CCDC178: variants seen among roughly 807,000 people sequenced by gnomAD.
CCDC178 encodes coiled-coil domain containing 178, also known as coiled-coil domain-containing protein 178.
In CCDC178, 126 loss-of-function variants were observed where a neutral mutation model predicts 117.4. The observed-to-expected ratio is 1.07, with a 90% CI of 0.93 to 1.24. The LOEUF (loss-of-function observed/expected upper bound fraction) is 1.24, where lower values mean the gene tolerates loss of function less well. Ranked by LOEUF, CCDC178 falls within the 50% of genes most tolerant of loss-of-function variation. The probability of loss-of-function intolerance (pLI) is 0.00; values close to 1 mark genes in which losing one functional copy is unlikely to be tolerated. For synonymous variants in CCDC178, 283 were observed against 313.4 expected, an observed-to-expected ratio of 0.90 and a Z score of 1.02; for missense variants, 1,030 against 986.9, an observed-to-expected ratio of 1.04 and a Z score of -0.59.
In CCDC178 at chr18:33,419,688, T is replaced by A. The variant is rs1003401186; in HGVS notation, c.-22-7578A>T. 2.6e-5 allele frequency among the ~76,000 whole-genome samples: 4 copies of A among 152,144 alleles called. No homozygotes were observed. In the East Asian group the frequency reaches 7.7e-4, roughly 29 times the overall value. ...GGCCAACAGGTATATCAAAAAATGC[T>A]CAACATCATTAATCACTAGAGAAAT... On this transcript the variant is annotated intron_variant, in intron 2 of 22. Coordinates refer to ENST00000383096, the MANE Select transcript of CCDC178 (RefSeq NM_001105528.4).
At chr18:32,990,509 C>T (rs2055365628) in intron 21 of CCDC178, among the ~76,000 whole-genome samples, 1 of 151,920 alleles carries the variant, frequency 6.6e-6, no homozygotes, top group South Asian at 2.1e-4. Context: ...AATGGATAAA[C>T]TAATTATTTT....
intron 2 of CCDC178, among the ~76,000 whole-genome samples, chr18:33,424,382 AAGGT>A (rs2064083456): frequency 6.6e-6 from 1 of 152,198 alleles, no homozygotes; most frequent in African/African-American, 2.4e-5. Context: ...GTCATAGTGT[AAGGT>A]ACGTGGATGT....
chr18:33,399,926 T>G (rs2063688451), intron 3 of CCDC178, among the ~76,000 whole-genome samples: 1 of 152,234 alleles, frequency 6.6e-6, no homozygotes, highest in African/African-American at 2.4e-5. Context: ...AGCTATAGCT[T>G]TATGAAATGC....
chr18:33,084,187 C>T (rs1159255234), intron 21 of CCDC178, among the ~76,000 whole-genome samples: 1 of 152,118 alleles, frequency 6.6e-6, no homozygotes, highest in African/African-American at 2.4e-5. Flanking sequence ...CAAATATTCC[C>T]TCATTTTCTC....
chr18:33,364,852 C>A (rs1361335321), intron 6 of CCDC178, among the ~76,000 whole-genome samples: 3 of 144,572 alleles, frequency 2.1e-5, no homozygotes, highest in African/African-American at 7.8e-5. Flanking sequence ...AATTGACAAA[C>A]AATAATTTCA....
chr18:33,281,854 G>A (rs1399249311), intron 12 of CCDC178, among the ~76,000 whole-genome samples: 5 of 152,184 alleles, frequency 3.3e-5, no homozygotes, highest in African/African-American at 1.2e-4. Flanking sequence ...AAGTTTTAGA[G>A]ATATTTATTA....
At chr18:33,005,685 C>T (rs967281519) in intron 21 of CCDC178, among the ~76,000 whole-genome samples, 2 of 151,932 alleles carry the variant, frequency 1.3e-5, no homozygotes, top group African/African-American at 4.8e-5. Flanking sequence ...GATTATTATG[C>T]ATTGAGTGCC....
intron 21 of CCDC178, among the ~76,000 whole-genome samples, chr18:33,037,231 G>A (rs988336673): frequency 6.6e-6 from 1 of 151,982 alleles, no homozygotes; most frequent in Non-Finnish European, 1.5e-5. Flanking sequence ...TTAATAGACT[G>A]TGTTGATTTT....
chr18:33,289,213 G>A (rs950974080), intron 12 of CCDC178, among the ~76,000 whole-genome samples: 1 of 152,044 alleles, frequency 6.6e-6, no homozygotes, highest in Non-Finnish European at 1.5e-5. Flanking sequence ...TCTCCACACT[G>A]CATGAATGAG....
intron 22 of CCDC178, among the ~76,000 whole-genome samples, chr18:32,969,098 T>C (rs532586178): frequency 6.6e-6 from 1 of 152,190 alleles, no homozygotes; most frequent in East Asian, 1.9e-4. Context: ...TTAATCTTAC[T>C]AAACCAGTTC....
chr18:33,184,175 A>C (rs1030596107), intron 20 of CCDC178, among the ~76,000 whole-genome samples: 1 of 152,078 alleles, frequency 6.6e-6, no homozygotes, highest in Non-Finnish European at 1.5e-5. Context: ...ACAAATGTCA[A>C]TGACTTGTGC....
At chr18:33,077,752 G>A (rs1174356535) in intron 21 of CCDC178, among the ~76,000 whole-genome samples, 2 of 152,100 alleles carry the variant, frequency 1.3e-5, no homozygotes, top group Non-Finnish European at 2.9e-5. Flanking sequence ...TCTCTGAGCA[G>A]ATCAATAACA....
At chr18:33,381,309 G>A (rs2144794622) in intron 5 of CCDC178, among the ~76,000 whole-genome samples, 1 of 152,236 alleles carries the variant, frequency 6.6e-6, no homozygotes, top group East Asian at 1.9e-4. Flanking sequence ...GACAATTCCT[G>A]TAGCCAAATA....
intron 21 of CCDC178, among the ~76,000 whole-genome samples, chr18:33,041,648 AAAT>A (rs1306427473): frequency 6.6e-6 from 1 of 151,540 alleles, no homozygotes; most frequent in Non-Finnish European, 1.5e-5. Flanking sequence ...ACATTTAATA[AAAT>A]AATAATTATT....
At chr18:33,385,373 A>G (rs930176636) in intron 5 of CCDC178, among the ~76,000 whole-genome samples, 6 of 152,186 alleles carry the variant, frequency 3.9e-5, no homozygotes, top group Admixed American at 1.3e-4. Flanking sequence ...GACCTGACAG[A>G]TATCTACAGA....
chr18:32,946,572 A>G (rs552610534), intron 22 of CCDC178, among the ~76,000 whole-genome samples: 6 of 152,272 alleles, frequency 3.9e-5, no homozygotes, highest in South Asian at 2.1e-4. Context: ...CCCCAAGGAC[A>G]GAAATTGTAT....
chr18:33,099,987 A>G (rs2057600261), intron 20 of CCDC178, among the ~76,000 whole-genome samples: 1 of 152,038 alleles, frequency 6.6e-6, no homozygotes, highest in Non-Finnish European at 1.5e-5. Flanking sequence ...GTTTAACAAA[A>G]TGCTCTCTAT....
At chr18:32,986,177 T>C (rs1399082114) in intron 21 of CCDC178, among the ~76,000 whole-genome samples, 1 of 152,118 alleles carries the variant, frequency 6.6e-6, no homozygotes, top group Admixed American at 6.5e-5. Flanking sequence ...AAATCAATTC[T>C]TTATACAAAT....
At chr18:33,310,037 T>G (rs1403330471) in intron 11 of CCDC178, among the ~76,000 whole-genome samples, 1 of 151,752 alleles carries the variant, frequency 6.6e-6, no homozygotes, top group Non-Finnish European at 1.5e-5. Flanking sequence ...GGCGCCATCT[T>G]GGCTCACTCC....
Sources: gnomAD v4.1 joint callset for allele counts (sites outside exome capture counted in the v4.1 genomes callset) on GRCh38, gnomAD v4.1.1 for gene constraint, MANE v1.5 for transcripts, NCBI Gene and HGNC (gene_info 2026-07-23, HGNC 2026-07-21) for gene names.